Variants in TFG observed in about 807,000 individuals in gnomAD.
TFG encodes protein TFG.
A neutral mutation model predicts 51.4 loss-of-function variants in TFG; 22 were observed. The observed-to-expected ratio is 0.43, with a 90% CI of 0.31 to 0.61. TFG has a LOEUF of 0.61. Among genes scored for constraint, TFG ranks in the 20% least tolerant of loss-of-function variants. TFG has a pLI of 0.12. For synonymous variants in TFG, 187 were observed against 165.6 expected (o/e 1.13, Z -0.99); for missense variants, 419 against 487.7 (o/e 0.86, Z 1.33).
chr3:100,714,458 C>T (rs746801392), intron 2 of TFG, among the ~76,000 whole-genome samples: 3 of 151,892 alleles, frequency 2.0e-5, no homozygotes, highest in Non-Finnish European at 4.4e-5. Context: ...CAAGATCGTG[C>T]CACTGCACTC....
At chr3:100,730,443 T>A (rs1232885653) in intron 4 of TFG, among the ~76,000 whole-genome samples, 1 of 152,246 alleles carries the variant, frequency 6.6e-6, no homozygotes, top group Non-Finnish European at 1.5e-5. Context: ...GTTGTTTTCT[T>A]GTATGGCCAT....
chr3:100,720,708 A>G lies in TFG; in HGVS notation c.268+650A>G, dbSNP rs569691478. On this transcript the variant is annotated intron_variant, in intron 3 of 7. Transcript: ENST00000240851. ...TGGGTTGGGGACCCTTGCTTTAGAC[A>G]GTATTTCCCGAGGGGTACTTAAAGA... Among the ~76,000 whole-genome samples, 3 of 152,370 alleles carry G rather than the reference A, an allele frequency of 2.0e-5. No homozygotes were observed. The South Asian group carries it at 6.2e-4, about 32-fold the overall frequency.
chr3:100,717,852 A>G (rs1275905941), intron 2 of TFG, among the ~76,000 whole-genome samples: 2 of 152,064 alleles, frequency 1.3e-5, no homozygotes, highest in Non-Finnish European at 2.9e-5. Flanking sequence ...TTCCTTCCCA[A>G]TTTGGATACC....
chr3:100,709,990 A>G (rs1009805519), intron 1 of TFG: 23 of 150,004 alleles, frequency 1.5e-4, no homozygotes, highest in African/African-American at 4.7e-4. Context: ...TGCGGTGGCC[A>G]GGAGGCGCGC....
At chr3:100,725,936 C>G (rs904546692) in intron 3 of TFG, among the ~76,000 whole-genome samples, 4 of 152,080 alleles carry the variant, frequency 2.6e-5, no homozygotes, top group African/African-American at 9.7e-5. Flanking sequence ...CTAGGGTTCT[C>G]CAGAGGGATG....
At chr3:100,739,952 A>T (rs2095116788) in intron 6 of TFG, among the ~76,000 whole-genome samples, 1 of 152,078 alleles carries the variant, frequency 6.6e-6, no homozygotes, top group Non-Finnish European at 1.5e-5. Flanking sequence ...CTCAACAGTG[A>T]TTCTTAATGT....
At position 100,733,619 on chromosome 3, in the gene TFG, C is replaced by T. The variant is rs150294144; in HGVS notation, c.580+947C>T. ...TGACTGGGTTCCTCTCCCCCACACA[C>T]ACTCCCCCCAACTCCAGTAGGGTCA... On this transcript the variant is annotated intron_variant, in intron 5 of 7. Coordinates refer to ENST00000240851, the MANE Select transcript of TFG (RefSeq NM_006070.6). 5.4e-3 allele frequency among the ~76,000 whole-genome samples: 826 copies of T among 152,198 alleles called. 3 individuals are homozygous for T. Among genetic ancestry groups the T allele is most frequent in the South Asian group, 8.3e-3 (40 of 4,824 alleles).
intron 3 of TFG, among the ~76,000 whole-genome samples, chr3:100,725,976 G>C (rs1488917771): frequency 1.3e-5 from 2 of 152,156 alleles, no homozygotes; most frequent in Non-Finnish European, 2.9e-5. Context: ...GAGTTTTTTA[G>C]GGAGAATTGC....
intron 6 of TFG, chr3:100,743,075 T>C (rs1483992175): frequency 6.6e-6 from 1 of 152,318 alleles, no homozygotes; most frequent in East Asian, 1.9e-4. Flanking sequence ...TGGGATAATA[T>C]ATGCAAAATG....
At chr3:100,723,475 T>A (rs191493868) in intron 3 of TFG, among the ~76,000 whole-genome samples, 105 of 152,084 alleles carry the variant, frequency 6.9e-4, no homozygotes, top group African/African-American at 2.0e-3. Flanking sequence ...AATGGAATTT[T>A]AAAAAAAATC....
chr3:100,710,587 C>T (rs963532819), intron 1 of TFG, among the ~76,000 whole-genome samples: 2 of 152,186 alleles, frequency 1.3e-5, no homozygotes, highest in Non-Finnish European at 2.9e-5. Context: ...CAGGGTCTTA[C>T]CCTTAGAGGT....
intron 3 of TFG, among the ~76,000 whole-genome samples, chr3:100,721,069 T>TA (rs2095059561): frequency 6.6e-6 from 1 of 152,184 alleles, no homozygotes; most frequent in Non-Finnish European, 1.5e-5. Context: ...ATTTAAATGT[T>TA]AATAACAAAA....
At chr3:100,742,678 A>T (rs942886976) in intron 6 of TFG, 3 of 152,290 alleles carry the variant, frequency 2.0e-5, no homozygotes, top group Middle Eastern at 3.4e-3. Context: ...AGACTTGGGG[A>T]GAATGTGCAG....
At chr3:100,709,292 G>A (rs529634091), upstream of TFG, 4 of 152,370 alleles carry the variant, frequency 2.6e-5, no homozygotes, top group East Asian at 3.9e-4. Context: ...GAAGTGCGTG[G>A]TCACGCCCCG....
intron 3 of TFG, among the ~76,000 whole-genome samples, chr3:100,724,329 G>A (rs1249834436): frequency 6.6e-6 from 1 of 152,060 alleles, no homozygotes; most frequent in African/African-American, 2.4e-5. Flanking sequence ...GAGAAACAAG[G>A]CACAAATAAG....
intron 6 of TFG, among the ~76,000 whole-genome samples, chr3:100,740,792 T>C (rs2095119158): frequency 6.6e-6 from 1 of 152,200 alleles, no homozygotes; most frequent in Non-Finnish European, 1.5e-5. Flanking sequence ...TAATTTTTTT[T>C]ATTACTTTTT....
chr3:100,747,733 T>C (rs1428411464), intron 7 of TFG, among the ~76,000 whole-genome samples: 2 of 152,200 alleles, frequency 1.3e-5, no homozygotes, highest in African/African-American at 4.8e-5. Flanking sequence ...TAAGATGTAT[T>C]TATAGTATTA....
rs151284869 is a variant in TFG, at chr3:100,711,347, C to T, written c.-44+1626C>T. Among the ~76,000 whole-genome samples, 1,204 of 152,252 alleles carry T rather than the reference C, an allele frequency of 7.9e-3. 15 individuals carry two copies. Among genetic ancestry groups the T allele is most frequent in the Non-Finnish European group, 0.013 (879 of 68,004 alleles). On this transcript the variant is annotated intron_variant, in intron 1 of 7. Coordinates refer to ENST00000240851, the MANE Select transcript of TFG (RefSeq NM_006070.6). ...TGGACTCCTGACCTCGTGATCTGCC[C>T]GCCTCGGCCTCCCAAAGTGCTGGGA... is the stretch of plus-strand genomic sequence containing the variant.
chr3:100,714,908 G>C (rs1387813550), intron 2 of TFG, among the ~76,000 whole-genome samples: 1 of 152,190 alleles, frequency 6.6e-6, no homozygotes, highest in Non-Finnish European at 1.5e-5. Context: ...TAGAATTATA[G>C]TAGTAGACTG....
Sources: allele counts gnomAD v4.1 joint callset (sites outside exome capture counted in the v4.1 genomes callset), GRCh38; gene constraint gnomAD v4.1.1; transcripts MANE v1.5; gene names NCBI Gene and HGNC (gene_info 2026-07-23, HGNC 2026-07-21).